The following ACTN1 variants were observed in gnomAD, a reference collection of about 807,000 sequenced individuals.
ACTN1 encodes the protein alpha-actinin-1.
In ACTN1, 30 loss-of-function variants were observed where a neutral mutation model predicts 119.6. That is an observed-to-expected ratio of 0.25 (90% CI 0.19 to 0.34). ACTN1 has a LOEUF of 0.34. Among genes scored for constraint, ACTN1 ranks in the 10% least tolerant of loss-of-function variants. ACTN1 has a pLI of 1.00. For missense variants in ACTN1, 764 were observed against 1,223.4 expected (o/e 0.62, Z 5.60); for synonymous variants, 429 against 472.6 (o/e 0.91, Z 1.20).
In ACTN1 at chr14:68,909,618, G is replaced by A. The variant is rs1306035712; in HGVS notation, c.516-222C>T. 6.6e-6 allele frequency among the ~76,000 whole-genome samples: 1 copy of A among 152,110 alleles called. No individual in the cohort carries two copies. Among genetic ancestry groups the A allele is most frequent in the Admixed American group, 6.6e-5 (1 of 15,266 alleles). ...GGGGTTGACAAGTTCAGATAAACCTGCCATATCCAGCCCTACCCCCGACCA... is the reference window on the plus strand; with the variant it reads ...GGGGTTGACAAGTTCAGATAAACCTACCATATCCAGCCCTACCCCCGACCA... On this transcript the variant is annotated intron_variant, in intron 5 of 21. Coordinates refer to ENST00000394419, the MANE Select transcript of ACTN1 (RefSeq NM_001130004.2). The surrounding 1 kb of genome is among the most constrained non-coding windows in gnomAD (Gnocchi z 4.1).
At chr14:68,947,779 T>C (rs555175142) in intron 1 of ACTN1, among the ~76,000 whole-genome samples, 2 of 152,260 alleles carry the variant, frequency 1.3e-5, no homozygotes, top group East Asian at 1.9e-4. Flanking sequence ...GAGCCTATCA[T>C]CTAAAAAGGG....
chr14:68,925,407 T>A lies in ACTN1; in HGVS notation c.220+151A>T. Reference sequence around the variant, plus strand: ...GGATGGCTGGCAGCAGAACCAGAACTCAGACCCACGCTCCTAGGATGAATT... The same window carrying A: ...GGATGGCTGGCAGCAGAACCAGAACACAGACCCACGCTCCTAGGATGAATT... On this transcript the variant is annotated intron_variant, in intron 2 of 21. Transcript: ENST00000394419. The surrounding 1 kb of genome is among the most constrained non-coding windows in gnomAD (Gnocchi z 4.3). 7.3e-6 allele frequency: 2 copies of A among 272,988 alleles called. No homozygotes were observed. The highest frequency in any genetic ancestry group is 6.5e-6 in the Non-Finnish European group (1 of 152,904). 16.9% of individuals were successfully genotyped at this position (272,988 alleles called of 1,614,324 possible).
chr14:68,968,446 T>C (rs1024435155), intron 1 of ACTN1, among the ~76,000 whole-genome samples: 1 of 152,188 alleles, frequency 6.6e-6, no homozygotes, highest in African/African-American at 2.4e-5. Flanking sequence ...AAAGGAGCAA[T>C]GAACAGAGTG....
In ACTN1 at chr14:68,898,069, C is replaced by A. The variant is rs563972580; in HGVS notation, c.763-4322G>T. On this transcript the variant is annotated intron_variant, in intron 8 of 21. Transcript: ENST00000394419. Reference sequence around the variant, plus strand: ...CCGGCAGTCTTGTGACTGCACCTGCCCTGCTCAGATCTGGGGCAGAGCAGG... The same window carrying A: ...CCGGCAGTCTTGTGACTGCACCTGCACTGCTCAGATCTGGGGCAGAGCAGG... 1.3e-4 allele frequency among the ~76,000 whole-genome samples: 20 copies of A among 152,364 alleles called. No individual in the cohort carries two copies. In the East Asian group the frequency reaches 3.5e-3, roughly 26 times the overall value.
At chr14:68,977,386 TGACAG>T (rs2037094504) in intron 1 of ACTN1, 1 of 152,980 alleles carries the variant, frequency 6.5e-6, no homozygotes, top group African/African-American at 2.4e-5. Flanking sequence ...ACTAGGAAGA[TGACAG>T]GAAGAGGGGG....
intron 1 of ACTN1, among the ~76,000 whole-genome samples, chr14:68,942,418 G>C (rs17106638): frequency 6.6e-6 from 1 of 151,792 alleles, no homozygotes; most frequent in Non-Finnish European, 1.5e-5. Flanking sequence ...AGGCATTAAC[G>C]GGCTGTATCT....
chr14:68,893,634 G>C, intron 9 of ACTN1, 21 bp downstream of exon 9: 1 of 1,611,934 alleles, frequency 6.2e-7, no homozygotes, highest in African/African-American at 1.3e-5. Context: ...AGTCAGGCCA[G>C]GTGAACCCGG....
At chr14:68,910,119 CA>C in intron 4 of ACTN1, 77 bp from the exon 5 acceptor site, 1 of 1,215,342 alleles carries the variant, frequency 8.2e-7, no homozygotes, top group Non-Finnish European at 1.2e-6. Context: ...CAGGAGGCCC[CA>C]CTGTGACCCT....
chr14:68,937,845 G>A (rs1266723946), intron 1 of ACTN1, among the ~76,000 whole-genome samples: 2 of 152,198 alleles, frequency 1.3e-5, no homozygotes. Context: ...GCCCCCTGCT[G>A]TGTGGGCGGG....
Position 68,884,307 on chromosome 14 carries a change from C to G in ACTN1, c.1496G>C (p.Arg499Pro). ...LTQKRREALE[R>P]TEKLLETIDQ... ...AATGGTCTCCAGCAGTTTCTCGGTC[C>G]GCTGGGAGTGCCAAATAGGGTAAGG... The change falls in exon 14 of 22, where the codon CGG becomes CCG. Residue 499 changes from arginine (R) to proline (P), a missense_variant and splice_region_variant. This residue lies in a region of ACTN1 where 544 missense variants were observed against 912.0 expected (regional missense o/e 0.60). Transcript: ENST00000394419. 6.2e-7 allele frequency: 1 copy of G among 1,613,788 alleles called. No individual in the cohort carries two copies. The highest frequency in any genetic ancestry group is 8.5e-7 in the Non-Finnish European group (1 of 1,179,772).
At position 68,881,241 on chromosome 14, in the gene ACTN1, C is replaced by T. The variant is rs530631070; in HGVS notation, c.1954-252G>A. ...GAAATACCTACCAACTCTCGGGTAC[C>T]TGTCAGCCTCAGAAAGGGGATGCAG... On this transcript the variant is annotated intron_variant, in intron 16 of 21. Transcript: ENST00000394419. 9.8e-6 allele frequency: 4 copies of T among 406,750 alleles called. No individual in the cohort carries two copies. In the East Asian group the frequency reaches 1.3e-4, roughly 13 times the overall value. The allele number at this position is 406,750 out of a possible 1,614,324, so 25.2% of individuals were successfully genotyped here. A position where few individuals can be genotyped will look rare whatever the true frequency, so the allele number is the denominator to read the frequency against.
Position 68,885,648 on chromosome 14 carries a change from A to G in ACTN1, c.1235-73T>C. On this transcript the variant is annotated intron_variant, in intron 11 of 21. Transcript: ENST00000394419. The surrounding 1 kb of genome is among the most constrained non-coding windows in gnomAD (Gnocchi z 5.6). Reference sequence around the variant, plus strand: ...CCTTGGTCCCAACCGCCCACCCCTCAGGGCCCCAGGAGCTCCACTTCTGGG... The same window carrying G: ...CCTTGGTCCCAACCGCCCACCCCTCGGGGCCCCAGGAGCTCCACTTCTGGG... 1 of 1,529,848 alleles carries G rather than the reference A, an allele frequency of 6.5e-7. No individual in the cohort carries two copies. The highest frequency in any genetic ancestry group is 8.8e-7 in the Non-Finnish European group (1 of 1,132,106). 94.8% of individuals were successfully genotyped at this position (1,529,848 alleles called of 1,614,324 possible). A position where few individuals can be genotyped will look rare whatever the true frequency, so the allele number is the denominator to read the frequency against.
At chr14:68,875,290 T>C in intron 21 of ACTN1, 2 of 809,774 alleles carry the variant, frequency 2.5e-6, no homozygotes, top group Non-Finnish European at 3.8e-6. Context: ...ATTACACCTA[T>C]AATCATCTTC....
chr14:68,926,120 C>A (rs1476745198), intron 1 of ACTN1, among the ~76,000 whole-genome samples: 1 of 152,146 alleles, frequency 6.6e-6, no homozygotes, highest in Non-Finnish European at 1.5e-5. Flanking sequence ...ATATTAAATC[C>A]TTTCTCACTT....
chr14:68,875,202 G>A, intron 21 of ACTN1, 185 bp from the exon 22 acceptor site: 1 of 1,450,678 alleles, frequency 6.9e-7, no homozygotes, highest in Non-Finnish European at 9.1e-7. Flanking sequence ...TACACAACAT[G>A]TATTTTTAAA....
intron 8 of ACTN1, among the ~76,000 whole-genome samples, chr14:68,895,970 A>G (rs3784132): frequency 0.33 from 50,257 of 152,066 alleles, 8,998 homozygotes; most frequent in African/African-American, 0.48. Flanking sequence ...TTCCCAAGCC[A>G]GAGTCTCAGC....
intron 8 of ACTN1, among the ~76,000 whole-genome samples, 174 bp downstream of exon 8, chr14:68,902,303 G>A (rs572605263): frequency 1.3e-5 from 2 of 152,298 alleles, no homozygotes; most frequent in Admixed American, 6.5e-5. Context: ...TGTGGGGTGG[G>A]ACGGGAGCCA....
rs1278971973 is a variant in ACTN1, at chr14:68,878,968, C to G, written c.2361+21G>C. On this transcript the variant is annotated intron_variant, in intron 19 of 21. Coordinates refer to ENST00000394419, the MANE Select transcript of ACTN1 (RefSeq NM_001130004.2). This position sits in a 1 kb window ranked among gnomAD's most constrained non-coding sequence, Gnocchi z 4.4. ...GCCCCAGACGCCACCCCTGAGCGTG[C>G]TCCATGCAGGAGGCGAGTACCTGGG... 1 of 1,613,030 alleles carries G rather than the reference C, an allele frequency of 6.2e-7. No individual in the cohort carries two copies. The highest frequency in any genetic ancestry group is 8.5e-7 in the Non-Finnish European group (1 of 1,179,822).
chr14:68,899,668 T>G (rs11621414), intron 8 of ACTN1, among the ~76,000 whole-genome samples: 1 of 151,898 alleles, frequency 6.6e-6, no homozygotes, highest in Non-Finnish European at 1.5e-5. Context: ...GCATCTCACA[T>G]TCCCTTCCAA....
Sources: gnomAD v4.1 joint callset for allele counts (sites outside exome capture counted in the v4.1 genomes callset) on GRCh38, gnomAD v4.1.1 for gene constraint, gnomAD v4.1.1 regional missense constraint, Gnocchi (gnomAD v3.1) non-coding constraint, MANE v1.5 for transcripts, NCBI Gene and HGNC (gene_info 2026-07-23, HGNC 2026-07-21) for gene names.